PPARG: variants seen among roughly 807,000 people sequenced by gnomAD.
PPARG encodes the protein peroxisome proliferator-activated receptor gamma.
In PPARG, 17 loss-of-function variants were observed where a neutral mutation model predicts 39.2. The observed-to-expected ratio is 0.43, with a 90% CI of 0.30 to 0.65. The LOEUF (loss-of-function observed/expected upper bound fraction) is 0.65. PPARG is among the 30% of genes least tolerant of loss of function. The pLI is 0.13. For synonymous variants in PPARG, 223 were observed against 215.7 expected (o/e 1.03, Z -0.30); for missense variants, 406 against 585.9 (o/e 0.69, Z 3.17).
intron 2 of PPARG, among the ~76,000 whole-genome samples, chr3:12,377,037 C>T (rs560961008): frequency 6.6e-6 from 1 of 152,216 alleles, no homozygotes; most frequent in Non-Finnish European, 1.5e-5. Context: ...GAATAATGAA[C>T]TGGTGTCAGG....
At chr3:12,355,211 C>T (rs1193545080) in intron 2 of PPARG, among the ~76,000 whole-genome samples, 1 of 152,040 alleles carries the variant, frequency 6.6e-6, no homozygotes, top group African/African-American at 2.4e-5. Flanking sequence ...CATATTTCAC[C>T]ACAGCCTCAA....
chr3:12,380,373 C>CA (rs2049598497), intron 3 of PPARG, among the ~76,000 whole-genome samples: 1 of 152,102 alleles, frequency 6.6e-6, no homozygotes, highest in African/African-American at 2.4e-5. Context: ...TATGTCCTTT[C>CA]AGGAGTTTAT....
At chr3:12,387,128 A>G (rs982654380) in intron 4 of PPARG, among the ~76,000 whole-genome samples, 1 of 152,164 alleles carries the variant, frequency 6.6e-6, no homozygotes, top group Non-Finnish European at 1.5e-5. Flanking sequence ...ATTGATGGAC[A>G]TTTGGGTCAG....
intron 2 of PPARG, among the ~76,000 whole-genome samples, chr3:12,370,620 C>G (rs2049177290): frequency 6.6e-6 from 1 of 152,158 alleles, no homozygotes; most frequent in Middle Eastern, 3.2e-3. Context: ...TATTAAGCTC[C>G]TCAAATATTG....
intron 2 of PPARG, among the ~76,000 whole-genome samples, chr3:12,321,777 G>C (rs550308024): frequency 6.6e-6 from 1 of 152,270 alleles, no homozygotes; most frequent in Admixed American, 6.5e-5. Context: ...TCACAGTGCT[G>C]AGTTTATGAC....
chr3:12,354,064 C>G (rs2048577700), intron 2 of PPARG, among the ~76,000 whole-genome samples: 1 of 152,146 alleles, frequency 6.6e-6, no homozygotes, highest in Non-Finnish European at 1.5e-5. Flanking sequence ...ACGAGTCTCT[C>G]CTGAGATAGG....
intron 1 of PPARG, among the ~76,000 whole-genome samples, chr3:12,298,820 A>G (rs1377235430): frequency 1.3e-5 from 2 of 151,746 alleles, no homozygotes; most frequent in Non-Finnish European, 2.9e-5. Flanking sequence ...GATGCGTTTT[A>G]TTTTCATTTT....
intron 1 of PPARG, among the ~76,000 whole-genome samples, chr3:12,293,566 A>G (rs919961729): frequency 1.3e-5 from 2 of 152,190 alleles, no homozygotes; most frequent in African/African-American, 4.8e-5. Flanking sequence ...AGGTCTGTAT[A>G]TGCTCAACTC....
intron 5 of PPARG, among the ~76,000 whole-genome samples, chr3:12,403,733 G>A (rs772934280): frequency 3.3e-5 from 5 of 152,098 alleles, no homozygotes; most frequent in Non-Finnish European, 4.4e-5. Context: ...TGGAACCTGC[G>A]GGTATGGAGG....
In PPARG at chr3:12,351,535, T is replaced by C. The variant is rs2048485002; in HGVS notation, c.-8-28169T>C. On this transcript the variant is annotated intron_variant, in intron 2 of 7. Transcript: ENST00000651735. ...TTTTTCTTTTAACGGATTGATCTTTTGCTAGATAGAGACAAAATATCAGTG... is the reference window on the plus strand; with the variant it reads ...TTTTTCTTTTAACGGATTGATCTTTCGCTAGATAGAGACAAAATATCAGTG... 8 of 1,315,228 alleles carry C rather than the reference T, an allele frequency of 6.1e-6. No homozygotes were observed. The South Asian group carries it at 9.4e-5, about 15-fold the overall frequency. 81.5% of individuals were successfully genotyped at this position (1,315,228 alleles called of 1,614,324 possible).
chr3:12,433,421 C>A (rs916848995), intron 7 of PPARG, among the ~76,000 whole-genome samples: 5 of 151,882 alleles, frequency 3.3e-5, no homozygotes, highest in Non-Finnish European at 7.4e-5. Flanking sequence ...ACCTATCATC[C>A]CAGCTACTCA....
chr3:12,384,273 G>A (rs1447800099), intron 4 of PPARG, among the ~76,000 whole-genome samples: 5 of 151,932 alleles, frequency 3.3e-5, no homozygotes, highest in African/African-American at 9.7e-5. Flanking sequence ...GAATAAAATA[G>A]CATTTATTGT....
At chr3:12,392,811 G>A in intron 5 of PPARG, 59 bp downstream of exon 5, 1 of 1,602,712 alleles carries the variant, frequency 6.2e-7, no homozygotes, top group Admixed American at 1.7e-5. Flanking sequence ...CCAGACCAGT[G>A]GACACTAAAG....
At chr3:12,352,646 T>G (rs2048525012) in intron 2 of PPARG, among the ~76,000 whole-genome samples, 2 of 152,252 alleles carry the variant, frequency 1.3e-5, no homozygotes, top group Admixed American at 6.5e-5. Context: ...ACTTAATTGC[T>G]GAAATGGATG....
At position 12,381,332 on chromosome 3, in the gene PPARG, A is replaced by G. The variant is rs1575087440; in HGVS notation, c.231A>G (p.Lys77=). The G allele has an allele frequency of 2.5e-6, 4 of 1,613,080 alleles. No homozygotes were observed. In the South Asian group the frequency reaches 4.4e-5, roughly 18 times the overall value. ...LKLQEYQSAI[K]VEPASPPYYS... Reference sequence around the variant, plus strand: ...TGTCTCCATACACAGGTGCAATCAAAGTGGAGCCTGCATCTCCACCTTATT... The same window carrying G: ...TGTCTCCATACACAGGTGCAATCAAGGTGGAGCCTGCATCTCCACCTTATT... The change falls in exon 4 of 8, where the codon AAA becomes AAG. Residue 77 remains lysine, a synonymous_variant. Coordinates refer to ENST00000651735, the MANE Select transcript of PPARG (RefSeq NM_138711.6).
chr3:12,399,019 A>G (rs1256159942), intron 5 of PPARG, among the ~76,000 whole-genome samples: 1 of 152,226 alleles, frequency 6.6e-6, no homozygotes, highest in East Asian at 1.9e-4. Context: ...GAGCCAGTAC[A>G]GAGAGGCACA....
intron 5 of PPARG, among the ~76,000 whole-genome samples, chr3:12,393,869 A>T (rs1237363662): frequency 6.6e-6 from 1 of 152,170 alleles, no homozygotes; most frequent in African/African-American, 2.4e-5. Flanking sequence ...CCCTTTAAAA[A>T]TAGTTCACAA....
At chr3:12,371,266 A>T (rs2049201429) in intron 2 of PPARG, among the ~76,000 whole-genome samples, 1 of 152,148 alleles carries the variant, frequency 6.6e-6, no homozygotes, top group South Asian at 2.1e-4. Context: ...ATAGGGTTGG[A>T]TTGGAACCTC....
intron 5 of PPARG, among the ~76,000 whole-genome samples, chr3:12,398,494 A>G (rs1176432489): frequency 6.6e-6 from 1 of 152,214 alleles, no homozygotes; most frequent in Non-Finnish European, 1.5e-5. Context: ...GCAACTACGT[A>G]TAGAGGAATA....
Sources: gnomAD v4.1 joint callset for allele counts (sites outside exome capture counted in the v4.1 genomes callset) on GRCh38, gnomAD v4.1.1 for gene constraint, MANE v1.5 for transcripts, NCBI Gene and HGNC (gene_info 2026-07-23, HGNC 2026-07-21) for gene names.